The following WASL variants were observed in gnomAD, a reference collection of about 807,000 sequenced individuals.
The protein encoded by WASL is WASP like actin nucleation promoting factor.
In WASL, 20 loss-of-function variants were observed where a neutral mutation model predicts 55.5. The observed-to-expected ratio is 0.36, with a 90% confidence interval of 0.25 to 0.52. WASL has a LOEUF of 0.52. Ranked by LOEUF, WASL falls within the 20% of genes least tolerant of loss-of-function variation. The pLI is 0.92. For missense variants in WASL, 504 were observed against 622.5 expected, an observed-to-expected ratio of 0.81 and a Z score of 2.03; for synonymous variants, 249 against 217.6, an observed-to-expected ratio of 1.14 and a Z score of -1.27.
chr7:123,692,695 T>C lies in WASL; in HGVS notation c.999A>G (p.Ala333=), dbSNP rs774546223. ...PPPPPSRPSV[A]VPPPPPNRMY... The stretch of plus-strand genomic sequence containing the variant: ...TCCTATTTGGCGGTGGTGGAGGGAC[T>C]GCTACACTTGGCCTGGAAGGAGGCG... Residue 333 remains alanine (A), a synonymous_variant, in exon 9 of 11, where the codon GCA becomes GCG. Coordinates refer to ENST00000223023, the MANE Select transcript of WASL (RefSeq NM_003941.4). The C allele has an allele frequency of 6.6e-7, 1 of 1,524,330 alleles. No homozygotes were observed. Among genetic ancestry groups the C allele is most frequent in the Non-Finnish European group, 8.8e-7 (1 of 1,138,848 alleles). The allele number at this position is 1,524,330 out of a possible 1,614,324, so 94.4% of individuals were successfully genotyped here. A position where few individuals can be genotyped will look rare whatever the true frequency, so the allele number is the denominator to read the frequency against.
intron 1 of WASL, among the ~76,000 whole-genome samples, chr7:123,714,280 C>T (rs540735312): frequency 1.2e-4 from 18 of 152,160 alleles, no homozygotes; most frequent in African/African-American, 4.3e-4. Flanking sequence ...GAAAAGAAAA[C>T]ACAAAAATTC....
intron 1 of WASL, among the ~76,000 whole-genome samples, chr7:123,711,753 C>A (rs1001675701): frequency 3.9e-5 from 6 of 152,124 alleles, no homozygotes; most frequent in African/African-American, 1.4e-4. Flanking sequence ...CAATTCCATT[C>A]CTTCTTGTCT....
intron 1 of WASL, among the ~76,000 whole-genome samples, chr7:123,746,655 GAT>G (rs1804435318): frequency 6.6e-6 from 1 of 152,176 alleles, no homozygotes. Context: ...AGGTACAGTT[GAT>G]TAATAAAAGA....
intron 1 of WASL, among the ~76,000 whole-genome samples, chr7:123,731,716 G>T (rs1299878514): frequency 6.6e-6 from 1 of 152,002 alleles, no homozygotes; most frequent in Non-Finnish European, 1.5e-5. Context: ...AGTCTCAAGA[G>T]AAATTTTAAA....
intron 5 of WASL, among the ~76,000 whole-genome samples, chr7:123,699,078 A>G (rs1172345731): frequency 1.3e-5 from 2 of 152,368 alleles, no homozygotes; most frequent in Non-Finnish European, 1.5e-5. Flanking sequence ...AGACAGAATT[A>G]GGAGTATCAG....
At position 123,706,895 on chromosome 7, in the gene WASL, T is replaced by A. The variant is rs563078425; in HGVS notation, c.253-69A>T. The A allele has an allele frequency of 1.4e-5, 13 of 922,256 alleles. No homozygotes were observed. The African/African-American group carries it at 2.2e-4, about 16-fold the overall frequency. 57.1% of individuals were successfully genotyped at this position (922,256 alleles called of 1,614,324 possible). The stretch of plus-strand genomic sequence containing the variant: ...ATCTCTAGGAATAAAACAAAGAAGA[T>A]GACTCATATTAAGAAAACTGTTTAT... On this transcript the variant is annotated intron_variant, in intron 2 of 10. Coordinates refer to ENST00000223023, the MANE Select transcript of WASL (RefSeq NM_003941.4).
At chr7:123,701,756 G>A (rs951157581) in intron 5 of WASL, among the ~76,000 whole-genome samples, 10 of 152,050 alleles carry the variant, frequency 6.6e-5, no homozygotes, top group Admixed American at 3.9e-4. Flanking sequence ...CCTAAACAGT[G>A]GTCTCCACTT....
At chr7:123,701,003 A>C (rs1803580876) in intron 5 of WASL, among the ~76,000 whole-genome samples, 1 of 152,230 alleles carries the variant, frequency 6.6e-6, no homozygotes, top group Non-Finnish European at 1.5e-5. Context: ...AGATGTTAGG[A>C]AATAAGTTTA....
intron 5 of WASL, among the ~76,000 whole-genome samples, chr7:123,702,789 T>G (rs1803613214): frequency 6.6e-6 from 1 of 152,222 alleles, no homozygotes; most frequent in Admixed American, 6.5e-5. Flanking sequence ...CTATGTTGTT[T>G]GTATCGCAGA....
intron 1 of WASL, 60 bp from the exon 2 acceptor site, chr7:123,709,283 C>A: frequency 2.1e-6 from 3 of 1,443,862 alleles, no homozygotes; most frequent in South Asian, 1.6e-5. Context: ...GATCATAGCC[C>A]CTGCTGACAG....
chr7:123,700,332 G>A (rs1419524482), intron 5 of WASL, among the ~76,000 whole-genome samples: 1 of 151,896 alleles, frequency 6.6e-6, no homozygotes, highest in Non-Finnish European at 1.5e-5. Context: ...TGAAAATGAA[G>A]GACAGTAAGA....
At chr7:123,707,264 T>G (rs1186780073) in intron 2 of WASL, among the ~76,000 whole-genome samples, 1 of 152,236 alleles carries the variant, frequency 6.6e-6, no homozygotes, top group Non-Finnish European at 1.5e-5. Flanking sequence ...TACTTTATGT[T>G]CTTTTCCTCA....
chr7:123,708,569 A>G (rs9641715), intron 2 of WASL, among the ~76,000 whole-genome samples: 69,410 of 151,886 alleles, frequency 0.46, 16,122 homozygotes, highest in South Asian at 0.66. Flanking sequence ...TTATGATTGG[A>G]AGGGAGGGAT....
At position 123,683,015 on chromosome 7, in the gene WASL, T is replaced by C. The variant is rs1026789294; in HGVS notation, c.*1504A>G. ...TGCATGATCACTAGAGATTATGTAA[T>C]AAATGGTTAAAATTCAAGCCACATC... On this transcript the variant is annotated 3_prime_UTR_variant, in exon 11 of 11. Coordinates refer to ENST00000223023, the MANE Select transcript of WASL (RefSeq NM_003941.4). The C allele has an allele frequency of 6.6e-6, 1 of 152,126 alleles. No homozygotes were observed. The highest frequency in any genetic ancestry group is 1.5e-5 in the Non-Finnish European group (1 of 67,996). 9.4% of individuals were successfully genotyped at this position (152,126 alleles called of 1,614,324 possible).
At chr7:123,691,079 G>C (rs974877411) in intron 9 of WASL, among the ~76,000 whole-genome samples, 5 of 152,166 alleles carry the variant, frequency 3.3e-5, no homozygotes, top group African/African-American at 1.2e-4. Flanking sequence ...AGTCTTCTTA[G>C]ATCTATGCTA....
chr7:123,716,156 G>T (rs1313583634), intron 1 of WASL, among the ~76,000 whole-genome samples: 2 of 152,066 alleles, frequency 1.3e-5, no homozygotes, highest in African/African-American at 4.8e-5. Flanking sequence ...GATTTTCAGG[G>T]AATAAAGTTG....
At chr7:123,702,187 C>G (rs1210324852) in intron 5 of WASL, among the ~76,000 whole-genome samples, 3 of 151,978 alleles carry the variant, frequency 2.0e-5, no homozygotes, top group Non-Finnish European at 2.9e-5. Context: ...TCCCGAGTAG[C>G]TGGGATTACA....
At chr7:123,719,992 C>T (rs1191092837) in intron 1 of WASL, among the ~76,000 whole-genome samples, 3 of 152,112 alleles carry the variant, frequency 2.0e-5, no homozygotes, top group Non-Finnish European at 4.4e-5. Flanking sequence ...AATCTGTTCA[C>T]TTAGGTCTTC....
intron 1 of WASL, among the ~76,000 whole-genome samples, chr7:123,734,578 A>G (rs1804194931): frequency 7.2e-6 from 1 of 139,632 alleles, no homozygotes. Context: ...AAAAGGCAAC[A>G]CTATAGAAAA....
Sources: allele counts gnomAD v4.1 joint callset (sites outside exome capture counted in the v4.1 genomes callset), GRCh38; gene constraint gnomAD v4.1.1; transcripts MANE v1.5; gene names NCBI Gene and HGNC (gene_info 2026-07-23, HGNC 2026-07-21).